STK32B: variants seen among roughly 807,000 people sequenced by gnomAD.
STK32B encodes serine/threonine kinase 32B, also known as serine/threonine-protein kinase 32B.
Under a neutral mutation model 52.6 loss-of-function variants are expected in STK32B, and 43 were observed. The observed-to-expected ratio is 0.82, with a 90% CI of 0.64 to 1.05. The LOEUF (loss-of-function observed/expected upper bound fraction) is 1.05. Ranked by LOEUF, STK32B falls within the 50% of genes least tolerant of loss-of-function variation. STK32B has a pLI of 0.00. For synonymous variants in STK32B, 238 were observed against 204.3 expected, an observed-to-expected ratio of 1.17 and a Z score of -1.41; for missense variants, 621 against 534.6, an observed-to-expected ratio of 1.16 and a Z score of -1.59.
intron 3 of STK32B, among the ~76,000 whole-genome samples, chr4:5,288,875 T>C (rs1315181657): frequency 2.6e-5 from 4 of 152,240 alleles, no homozygotes; most frequent in Non-Finnish European, 5.9e-5. Context: ...TTTAAAGTTT[T>C]AGCTTTATGT....
chr4:5,183,571 A>G (rs567952467), intron 3 of STK32B, among the ~76,000 whole-genome samples: 1 of 152,252 alleles, frequency 6.6e-6, no homozygotes, highest in African/African-American at 2.4e-5. Context: ...TACCTCCAAT[A>G]CTTGTACGAA....
chr4:5,127,493 G>A (rs896632282), intron 1 of STK32B, among the ~76,000 whole-genome samples: 2 of 152,088 alleles, frequency 1.3e-5, no homozygotes, highest in African/African-American at 4.8e-5. Context: ...ATTCATGTCA[G>A]GTGCTGTTTT....
chr4:5,174,662 G>A (rs1225011703), intron 3 of STK32B, among the ~76,000 whole-genome samples: 4 of 152,172 alleles, frequency 2.6e-5, no homozygotes, highest in Admixed American at 6.5e-5. Context: ...AGTTTCTGCC[G>A]AGAGATCAGC....
At chr4:5,133,681 T>TA (rs2108824283) in intron 1 of STK32B, among the ~76,000 whole-genome samples, 1 of 152,298 alleles carries the variant, frequency 6.6e-6, no homozygotes, top group African/African-American at 2.4e-5. Flanking sequence ...AGAAAAATCT[T>TA]AGAGAGATGT....
chr4:5,243,119 T>G (rs932823068), intron 3 of STK32B, among the ~76,000 whole-genome samples: 1 of 152,128 alleles, frequency 6.6e-6, no homozygotes, highest in Non-Finnish European at 1.5e-5. Flanking sequence ...GTGAAGAAAG[T>G]CGTTGGTAGC....
At chr4:5,481,624 A>G (rs1482925226) in intron 11 of STK32B, among the ~76,000 whole-genome samples, 1 of 152,040 alleles carries the variant, frequency 6.6e-6, no homozygotes, top group Non-Finnish European at 1.5e-5. Context: ...TTTTGTTGCC[A>G]TTGCTTTTGG....
intron 4 of STK32B, among the ~76,000 whole-genome samples, chr4:5,355,931 A>G (rs1246654545): frequency 6.6e-6 from 1 of 152,138 alleles, no homozygotes; most frequent in Admixed American, 6.5e-5. Flanking sequence ...GCAGTGGAGG[A>G]CAGGGAACCT....
At chr4:5,431,043 G>A (rs941712062) in intron 6 of STK32B, among the ~76,000 whole-genome samples, 3 of 152,194 alleles carry the variant, frequency 2.0e-5, no homozygotes, top group Non-Finnish European at 4.4e-5. Context: ...TGGGTCTTGG[G>A]GATCTTAGGG....
intron 1 of STK32B, among the ~76,000 whole-genome samples, chr4:5,126,113 GTT>G (rs1485643321): frequency 6.6e-6 from 1 of 152,168 alleles, no homozygotes; most frequent in Admixed American, 6.5e-5. Flanking sequence ...CCATATGTCT[GTT>G]TGTCTTCTCA....
chr4:5,171,900 G>A (rs904522614), intron 3 of STK32B, among the ~76,000 whole-genome samples: 1 of 151,308 alleles, frequency 6.6e-6, no homozygotes, highest in East Asian at 1.9e-4. Flanking sequence ...ACCTTGGGCA[G>A]TATGGCCATT....
the STK32B span, among the ~76,000 whole-genome samples, chr4:5,020,184 T>C: frequency 5.3e-5 from 8 of 152,152 alleles, no homozygotes; most frequent in African/African-American, 1.9e-4. Flanking sequence ...TTTCAAGAAG[T>C]GCATCTCCCT....
rs1716167095 is a variant in STK32B at position 5,453,226 on chromosome 4, AG to A, written c.667-3580del. ...GGAGAGAGAATTACAGAGATTAGGG[AG>A]AGAGAGAGAGAGAGAGAGTAGCTCA... On this transcript the variant is annotated intron_variant, in intron 7 of 11. Coordinates refer to ENST00000282908, the MANE Select transcript of STK32B (RefSeq NM_018401.3). The surrounding 1 kb of genome is among the most constrained non-coding windows in gnomAD (Gnocchi z 4.0). Among the ~76,000 whole-genome samples the A allele has an allele frequency of 1.5e-5, 1 of 66,066 alleles. No homozygotes were observed. The highest frequency in any genetic ancestry group is 4.6e-5 in the Non-Finnish European group (1 of 21,746). 43.3% of individuals were successfully genotyped at this position (66,066 alleles called of 152,430 possible). A position where few individuals can be genotyped will look rare whatever the true frequency, so the allele number is the denominator to read the frequency against.
At chr4:5,156,639 C>T (rs369990045) in intron 2 of STK32B, among the ~76,000 whole-genome samples, 14 of 152,264 alleles carry the variant, frequency 9.2e-5, no homozygotes, top group East Asian at 3.9e-4. Context: ...GAGTGAGCTT[C>T]GAAAGTGTCT....
chr4:5,310,866 A>G (rs550036359), intron 3 of STK32B, among the ~76,000 whole-genome samples: 2 of 152,346 alleles, frequency 1.3e-5, no homozygotes, highest in Middle Eastern at 3.4e-3. Context: ...GCCATAAAAA[A>G]TGAAATTCTG....
intron 4 of STK32B, among the ~76,000 whole-genome samples, chr4:5,359,795 C>T (rs889412055): frequency 5.9e-5 from 9 of 152,108 alleles, no homozygotes; most frequent in African/African-American, 2.2e-4. Context: ...GCGAGCAGAC[C>T]AGTGCAGCTG....
chr4:5,276,549 A>G (rs1055395098), intron 3 of STK32B, among the ~76,000 whole-genome samples: 9 of 152,094 alleles, frequency 5.9e-5, no homozygotes, highest in African/African-American at 1.9e-4. Context: ...TTAATACATC[A>G]TGTTGCAGAT....
intron 1 of STK32B, among the ~76,000 whole-genome samples, chr4:5,100,119 T>C (rs1235684643): frequency 1.3e-5 from 2 of 152,030 alleles, no homozygotes; most frequent in Non-Finnish European, 2.9e-5. Context: ...AGAGAAGTGA[T>C]AGAGCCAGCA....
At chr4:5,420,552 G>T (rs1242528545) in intron 6 of STK32B, among the ~76,000 whole-genome samples, 3 of 152,184 alleles carry the variant, frequency 2.0e-5, no homozygotes, top group Admixed American at 6.5e-5. Context: ...TTGTGAAGTG[G>T]CATGATGCAG....
chr4:5,199,475 T>A (rs1721952329), intron 3 of STK32B, among the ~76,000 whole-genome samples: 1 of 151,976 alleles, frequency 6.6e-6, no homozygotes, highest in Non-Finnish European at 1.5e-5. Flanking sequence ...ACATTATAAA[T>A]CAGCTTTGTG....
Sources: allele counts gnomAD v4.1 joint callset (sites outside exome capture counted in the v4.1 genomes callset), GRCh38; gene constraint gnomAD v4.1.1; non-coding constraint Gnocchi (gnomAD v3.1); transcripts MANE v1.5; gene names NCBI Gene and HGNC (gene_info 2026-07-23, HGNC 2026-07-21).